OGG1: variants seen among roughly 807,000 people sequenced by gnomAD.
OGG1 encodes the protein N-glycosylase/DNA lyase.
A neutral mutation model predicts 42.3 loss-of-function variants in OGG1; 35 were observed. The ratio of observed to expected loss-of-function variants is 0.83; its 90% confidence interval spans 0.63 to 1.10. OGG1 has a LOEUF of 1.10. Ranked by LOEUF, OGG1 falls within the 50% of genes least tolerant of loss-of-function variation. OGG1 has a pLI of 0.00. For missense variants in OGG1, 484 were observed against 446.7 expected, an observed-to-expected ratio of 1.08 and a Z score of -0.75; for synonymous variants, 189 against 179.0, an observed-to-expected ratio of 1.06 and a Z score of -0.44.
intron 3 of OGG1, chr3:9,787,103 T>A: frequency 6.2e-7 from 1 of 1,614,228 alleles, no homozygotes; most frequent in East Asian, 2.2e-5. Context: ...CAGCAGGGCA[T>A]CCACATCTAA....
intron 2 of OGG1, among the ~76,000 whole-genome samples, chr3:9,777,905 T>C (rs1575285267): frequency 6.6e-6 from 1 of 151,900 alleles, no homozygotes; most frequent in Non-Finnish European, 1.5e-5. Flanking sequence ...GCTGCACAGG[T>C]TGGGCACTGC....
intron 3 of OGG1, among the ~76,000 whole-genome samples, chr3:9,754,245 C>A (rs1337775717): frequency 6.6e-6 from 1 of 152,234 alleles, no homozygotes; most frequent in Non-Finnish European, 1.5e-5. Flanking sequence ...CCCTCATTTT[C>A]TCCACATGTA....
chr3:9,752,337 C>T (rs1173172624), intron 3 of OGG1, among the ~76,000 whole-genome samples: 2 of 151,892 alleles, frequency 1.3e-5, no homozygotes, highest in Non-Finnish European at 2.9e-5. Context: ...AATAATAGCA[C>T]CTACCTATGC....
At chr3:9,783,746 C>G (rs910445680) in intron 3 of OGG1, 2 of 335,250 alleles carry the variant, frequency 6.0e-6, no homozygotes, top group Non-Finnish European at 1.0e-5. Flanking sequence ...CCACTGCACT[C>G]CAGCCTGGGT....
At chr3:9,782,185 C>CCT (rs957066930) in intron 3 of OGG1, among the ~76,000 whole-genome samples, 14 of 152,098 alleles carry the variant, frequency 9.2e-5, no homozygotes, top group Non-Finnish European at 4.4e-5. Flanking sequence ...TCTCTCTCTT[C>CCT]CTCTCTCTCC....
intron 3 of OGG1, chr3:9,784,174 C>T (rs1222854297): frequency 6.2e-7 from 1 of 1,613,972 alleles, no homozygotes; most frequent in Non-Finnish European, 8.5e-7. Flanking sequence ...CAATTAGCTC[C>T]TCCTTGATGC....
chr3:9,768,028 T>G (rs1042881609), downstream of OGG1, among the ~76,000 whole-genome samples: 1 of 152,252 alleles, frequency 6.6e-6, no homozygotes, highest in African/African-American at 2.4e-5. Flanking sequence ...CATTCATTTA[T>G]TCTAGTTCTC....
chr3:9,762,867 GCCCCACC>G, intron 7 of OGG1: 1 of 1,595,456 alleles, frequency 6.3e-7, no homozygotes, highest in Non-Finnish European at 8.6e-7. Context: ...GTTTGCAAAG[GCCCCACC>G]CCTGGGTACC....
rs147787215 is a variant in OGG1 at position 9,750,856 on chromosome 3, G to A, written c.138-89G>A. 5.2e-4 allele frequency: 769 copies of A among 1,468,682 alleles called. 5 individuals carry two copies. In the African/African-American group the frequency reaches 9.5e-3, roughly 18 times the overall value. The allele number at this position is 1,468,682 out of a possible 1,614,324, so 91.0% of individuals were successfully genotyped here. A position where few individuals can be genotyped will look rare whatever the true frequency, so the allele number is the denominator to read the frequency against. ...TAGCACTGTTACTTGTATTAGTTTC[G>A]TACATGGAGCTATTGTAGGATAGGA... On this transcript the variant is annotated intron_variant, in intron 1 of 6. Coordinates refer to ENST00000344629, the MANE Select transcript of OGG1 (RefSeq NM_002542.6).
chr3:9,782,429 G>A (rs2078497744), intron 3 of OGG1, among the ~76,000 whole-genome samples: 1 of 152,286 alleles, frequency 6.6e-6, no homozygotes, highest in Non-Finnish European at 1.5e-5. Context: ...ACACTTGAGA[G>A]AGTGTACATA....
intron 2 of OGG1, 118 bp from the exon 3 acceptor site, chr3:9,751,652 A>G (rs1479167398): frequency 3.3e-6 from 3 of 920,054 alleles, no homozygotes; most frequent in Non-Finnish European, 5.4e-6. Flanking sequence ...AACGGTGCTG[A>G]CTCTCATTCT....
intron 4 of OGG1, 96 bp downstream of exon 4, chr3:9,754,981 C>T: frequency 9.7e-7 from 1 of 1,030,030 alleles, no homozygotes. Context: ...GGCTTGGCTT[C>T]CGGAGGCAGA....
At chr3:9,753,666 A>T (rs1445253110) in intron 3 of OGG1, among the ~76,000 whole-genome samples, 1 of 152,108 alleles carries the variant, frequency 6.6e-6, no homozygotes, top group Non-Finnish European at 1.5e-5. Context: ...CAAAAAAAAA[A>T]AGAAACCTGT....
chr3:9,781,533 G>A (rs1305237882), exon 3 of OGG1: 1 of 456,626 alleles, frequency 2.2e-6, no homozygotes, highest in East Asian at 6.9e-5. Context: ...GCCAGCAGAA[G>A]GCCTGCTTAC....
At chr3:9,779,052 G>A (rs2078403068) in intron 2 of OGG1, among the ~76,000 whole-genome samples, 1 of 151,970 alleles carries the variant, frequency 6.6e-6, no homozygotes, top group Non-Finnish European at 1.5e-5. Flanking sequence ...ACTTGAGGCA[G>A]GTACCAGAGC....
intron 2 of OGG1, chr3:9,781,426 A>G (rs2078461201): frequency 5.3e-5 from 23 of 435,790 alleles, no homozygotes; most frequent in South Asian, 3.4e-4. Flanking sequence ...TGAGGCTCAA[A>G]GATGATCCCA....
At chr3:9,755,032 A>G in intron 4 of OGG1, 147 bp downstream of exon 4, 1 of 692,810 alleles carries the variant, frequency 1.4e-6, no homozygotes, top group East Asian at 2.7e-5. Flanking sequence ...TTTATGAGAG[A>G]AAAAAGCAGA....
At chr3:9,786,137 CA>C (rs1179537498) in intron 3 of OGG1, among the ~76,000 whole-genome samples, 1 of 152,088 alleles carries the variant, frequency 6.6e-6, no homozygotes, top group Non-Finnish European at 1.5e-5. Context: ...GACGGGGTTT[CA>C]TCATGTTAGC....
At chr3:9,761,658 T>C, downstream of OGG1, 1 of 1,613,938 alleles carries the variant, frequency 6.2e-7, no homozygotes, top group Non-Finnish European at 8.5e-7. Context: ...CCACAGGCGG[T>C]GGAGAGCACA....
Sources: allele counts gnomAD v4.1 joint callset (sites outside exome capture counted in the v4.1 genomes callset), GRCh38; gene constraint gnomAD v4.1.1; transcripts MANE v1.5; gene names NCBI Gene and HGNC (gene_info 2026-07-23, HGNC 2026-07-21).